The following STAG1 variants were observed in gnomAD, a reference collection of about 807,000 sequenced individuals.
The protein encoded by STAG1 is STAG1 cohesin complex component, also known as cohesin subunit SA-1.
STAG1 carries 26 observed loss-of-function variants against 170.9 expected under a neutral mutation model. The observed-to-expected ratio is 0.15, with a 90% CI of 0.11 to 0.21. The LOEUF (loss-of-function observed/expected upper bound fraction) is 0.21. Ranked by LOEUF, STAG1 falls within the 10% of genes least tolerant of loss-of-function variation. STAG1 has a pLI of 1.00. For missense variants in STAG1, 964 were observed against 1,509.5 expected (o/e 0.64, Z 5.99); for synonymous variants, 514 against 497.7 (o/e 1.03, Z -0.44).
chr3:136,492,837 A>G lies in STAG1; in HGVS notation c.902+7386T>C, dbSNP rs1006634094. ...AGTGTATTTGTATTTTCTCCTCTTA[A>G]TTTTGTTAAGAGATGACTGAACACT... is the stretch of plus-strand genomic sequence containing the variant. On this transcript the variant is annotated intron_variant, in intron 9 of 33. Coordinates refer to ENST00000383202, the MANE Select transcript of STAG1 (RefSeq NM_005862.3). Among the ~76,000 whole-genome samples the G allele has an allele frequency of 1.1e-4, 17 of 152,210 alleles. 1 individual carries two copies. Among genetic ancestry groups the G allele is most frequent in the African/African-American group, 3.9e-4 (16 of 41,456 alleles).
At chr3:136,708,359 A>C in intron 1 of STAG1, among the ~76,000 whole-genome samples, 1 of 152,006 alleles carries the variant, frequency 6.6e-6, no homozygotes, top group East Asian at 1.9e-4. Context: ...ACACTAAGTA[A>C]AAGAAGCCAA....
At chr3:136,486,004 G>T (rs373468249) in intron 9 of STAG1, among the ~76,000 whole-genome samples, 49 of 152,102 alleles carry the variant, frequency 3.2e-4, no homozygotes, top group African/African-American at 9.2e-4. Flanking sequence ...CAGATATGTG[G>T]GAGTTTCCTT....
intron 13 of STAG1, among the ~76,000 whole-genome samples, chr3:136,458,365 C>T (rs2089178578): frequency 6.6e-6 from 1 of 152,142 alleles, no homozygotes; most frequent in Non-Finnish European, 1.5e-5. Context: ...TCATGTTGGC[C>T]AGGCTGGTCT....
intron 21 of STAG1, among the ~76,000 whole-genome samples, chr3:136,406,318 G>A (rs191422911): frequency 3.9e-5 from 6 of 152,260 alleles, no homozygotes; most frequent in Admixed American, 3.3e-4. Context: ...CATGCTGTAT[G>A]ATTTCATTTA....
intron 20 of STAG1, 34 bp from the exon 21 acceptor site, chr3:136,418,006 A>C (rs1553717594): frequency 7.3e-6 from 11 of 1,500,636 alleles, no homozygotes; most frequent in Non-Finnish European, 1.0e-5. Flanking sequence ...GTTTTATTCT[A>C]GAATGGAAGG....
At chr3:136,615,020 A>G (rs1011285233) in intron 3 of STAG1, among the ~76,000 whole-genome samples, 33 of 152,358 alleles carry the variant, frequency 2.2e-4, no homozygotes, top group African/African-American at 7.2e-4. Context: ...TTGGTTTATG[A>G]TAAGTGCTAA....
rs1324554308 is a variant in STAG1 at position 136,633,562 on chromosome 3, TG to T, written c.-83-2582del. ...TAAAAATACAAAAATTAGCCAGGTG[TG>T]GTGGCAGGTGCCTGCAATCCCAGCT... On this transcript the variant is annotated intron_variant, in intron 1 of 33. Coordinates refer to ENST00000383202, the MANE Select transcript of STAG1 (RefSeq NM_005862.3). Among the ~76,000 whole-genome samples the T allele has an allele frequency of 2.0e-5, 3 of 151,648 alleles. No homozygotes were observed. The East Asian group carries it at 5.9e-4, about 30-fold the overall frequency.
chr3:136,461,234 G>A (rs982477709), intron 13 of STAG1, among the ~76,000 whole-genome samples: 2 of 152,122 alleles, frequency 1.3e-5, no homozygotes, highest in Non-Finnish European at 2.9e-5. Flanking sequence ...TACATTAAAT[G>A]GGGAAAAGGT....
intron 15 of STAG1, among the ~76,000 whole-genome samples, 179 bp downstream of exon 15, chr3:136,443,108 T>A (rs1338202452): frequency 6.6e-6 from 1 of 152,202 alleles, no homozygotes; most frequent in Non-Finnish European, 1.5e-5. Context: ...AGTGTTTATA[T>A]GGAAACATGT....
At chr3:136,427,175 G>A (rs545337284) in intron 16 of STAG1, among the ~76,000 whole-genome samples, 95 of 150,286 alleles carry the variant, frequency 6.3e-4, no homozygotes, top group African/African-American at 2.3e-3. Flanking sequence ...GTTGAAGTGA[G>A]CCGAGATCAC....
intron 13 of STAG1, among the ~76,000 whole-genome samples, chr3:136,463,701 G>C (rs1360137050): frequency 7.5e-6 from 1 of 132,480 alleles, no homozygotes; most frequent in Non-Finnish European, 1.5e-5. Context: ...AAGACAGCAA[G>C]ACCCCATCTC....
chr3:136,673,727 T>G (rs1942043920), intron 1 of STAG1, among the ~76,000 whole-genome samples: 1 of 152,184 alleles, frequency 6.6e-6, no homozygotes, highest in African/African-American at 2.4e-5. Context: ...TCTCTATGCA[T>G]GAAAGACATG....
intron 1 of STAG1, among the ~76,000 whole-genome samples, chr3:136,685,811 T>C (rs1942502991): frequency 6.6e-6 from 1 of 152,096 alleles, no homozygotes; most frequent in Non-Finnish European, 1.5e-5. Context: ...AAAATCAAAG[T>C]ATAGAGACAA....
chr3:136,568,715 C>T (rs1313429172), intron 5 of STAG1, 50 bp downstream of exon 5: 8 of 1,351,742 alleles, frequency 5.9e-6, no homozygotes, highest in Non-Finnish European at 7.3e-6. Flanking sequence ...AAAAGTCACA[C>T]TGCTGGACTG....
chr3:136,691,817 A>T (rs527350711), intron 1 of STAG1, among the ~76,000 whole-genome samples: 6 of 152,314 alleles, frequency 3.9e-5, no homozygotes, highest in Non-Finnish European at 7.4e-5. Flanking sequence ...AAGAGGAACT[A>T]AGTAGATCAT....
chr3:136,671,972 T>A (rs912844341), intron 1 of STAG1, among the ~76,000 whole-genome samples: 2 of 152,244 alleles, frequency 1.3e-5, no homozygotes, highest in Admixed American at 1.3e-4. Flanking sequence ...ATTTTCATCA[T>A]CAGTGACACA....
chr3:136,618,770 A>G (rs1697703073), intron 3 of STAG1, among the ~76,000 whole-genome samples: 1 of 132,642 alleles, frequency 7.5e-6, no homozygotes, highest in Admixed American at 8.6e-5. Flanking sequence ...TATAGATATC[A>G]TTCTTATATC....
At chr3:136,459,737 A>C (rs1448037090) in intron 13 of STAG1, among the ~76,000 whole-genome samples, 1 of 152,210 alleles carries the variant, frequency 6.6e-6, no homozygotes, top group Non-Finnish European at 1.5e-5. Flanking sequence ...AGTTCATGTA[A>C]ATTAGACAAC....
intron 21 of STAG1, among the ~76,000 whole-genome samples, chr3:136,401,727 G>A (rs1214449128): frequency 2.0e-5 from 3 of 151,930 alleles, no homozygotes; most frequent in South Asian, 2.1e-4. Flanking sequence ...TTGAATAAAC[G>A]ATGTATCTTT....
Sources: gnomAD v4.1 joint callset for allele counts (sites outside exome capture counted in the v4.1 genomes callset) on GRCh38, gnomAD v4.1.1 for gene constraint, MANE v1.5 for transcripts, NCBI Gene and HGNC (gene_info 2026-07-23, HGNC 2026-07-21) for gene names.